PCDHGA6: variants seen among roughly 807,000 people sequenced by gnomAD.
The protein encoded by PCDHGA6 is protocadherin gamma subfamily A, 6.
Under a neutral mutation model 60.6 loss-of-function variants are expected in PCDHGA6, and 41 were observed. The observed-to-expected ratio is 0.68, with a 90% CI of 0.53 to 0.88. The LOEUF (loss-of-function observed/expected upper bound fraction) is 0.88. PCDHGA6 is among the 40% of genes least tolerant of loss of function. The probability of loss-of-function intolerance (pLI) is 0.00; values close to 1 mark genes in which losing one functional copy is unlikely to be tolerated. For synonymous variants in PCDHGA6, 594 were observed against 524.4 expected, an observed-to-expected ratio of 1.13 and a Z score of -1.81; for missense variants, 1,312 against 1,203.0, an observed-to-expected ratio of 1.09 and a Z score of -1.34.
At chr5:141,425,524 G>C (rs2096881323) in intron 1 of PCDHGA6, among the ~76,000 whole-genome samples, 1 of 152,184 alleles carries the variant, frequency 6.6e-6, no homozygotes, top group Non-Finnish European at 1.5e-5. Context: ...GATGAAACAT[G>C]AAACAATAAT....
In PCDHGA6 at chr5:141,491,410, G is replaced by T. The variant is rs777207581; in HGVS notation, c.2425-3397G>T. On this transcript the variant is annotated intron_variant, in intron 1 of 3. Transcript: ENST00000517434. The surrounding 1 kb of genome is among the most constrained non-coding windows in gnomAD (Gnocchi z 6.9). ...GTGCCTTCAGGGAAACGCAGACGGG[G>T]ACGGGGGTGGAGGGCAGTGCTGCAG... 28 of 1,614,142 alleles carry T rather than the reference G, an allele frequency of 1.7e-5. No individual in the cohort carries two copies. The highest frequency in any genetic ancestry group is 2.4e-5 in the Non-Finnish European group (28 of 1,180,034).
chr5:141,410,380 C>T, intron 1 of PCDHGA6: 1 of 1,614,072 alleles, frequency 6.2e-7, no homozygotes, highest in Non-Finnish European at 8.5e-7. Flanking sequence ...CTTGGGACTG[C>T]TTCCATCCTG....
At chr5:141,470,112 G>T (rs1186184232) in intron 1 of PCDHGA6, among the ~76,000 whole-genome samples, 1 of 152,104 alleles carries the variant, frequency 6.6e-6, no homozygotes, top group Non-Finnish European at 1.5e-5. Flanking sequence ...CTGAGCAACA[G>T]AGCAAGACTT....
At chr5:141,403,786 A>G (rs1317253233) in intron 1 of PCDHGA6, 1 of 1,613,848 alleles carries the variant, frequency 6.2e-7, no homozygotes, top group African/African-American at 1.3e-5. Flanking sequence ...GAAAAGTGGC[A>G]TACAAATTCT....
intron 1 of PCDHGA6, chr5:141,404,392 T>C (rs759142051): frequency 3.1e-6 from 5 of 1,613,820 alleles, no homozygotes; most frequent in African/African-American, 1.3e-5. Flanking sequence ...ATGACCCTGA[T>C]AGCAATGAGA....
chr5:141,487,031 G>A lies in PCDHGA6; in HGVS notation c.2425-7776G>A, dbSNP rs749130369. 1.2e-6 allele frequency: 2 copies of A among 1,614,182 alleles called. No homozygotes were observed. Among genetic ancestry groups the A allele is most frequent in the Non-Finnish European group, 1.7e-6 (2 of 1,180,028 alleles). On this transcript the variant is annotated intron_variant, in intron 1 of 3. Coordinates refer to ENST00000517434, the MANE Select transcript of PCDHGA6 (RefSeq NM_018919.3). The surrounding 1 kb of genome is among the most constrained non-coding windows in gnomAD (Gnocchi z 5.0). ...GGAGGCCCCAGATCCCAGCCTGTTT[G>A]CAGTCTCTCGATATGCTGGGGAGGT...
At chr5:141,414,100 G>A (rs1293589634) in intron 1 of PCDHGA6, 2 of 1,593,288 alleles carry the variant, frequency 1.3e-6, no homozygotes. Context: ...AAAAATATCA[G>A]AAAATCTAGA....
At chr5:141,381,798 CTCTT>C (rs372235829) in intron 1 of PCDHGA6, among the ~76,000 whole-genome samples, 40 of 144,168 alleles carry the variant, frequency 2.8e-4, no homozygotes, top group Non-Finnish European at 4.5e-4. Context: ...AGGCAATTCC[CTCTT>C]TCTTTCTTTC....
chr5:141,469,829 A>G (rs2099212486), intron 1 of PCDHGA6, among the ~76,000 whole-genome samples: 1 of 152,102 alleles, frequency 6.6e-6, no homozygotes, highest in African/African-American at 2.4e-5. Context: ...AGGTCACATA[A>G]AACTTATTCT....
chr5:141,417,572 G>T, intron 1 of PCDHGA6: 1 of 376,228 alleles, frequency 2.7e-6, no homozygotes, highest in East Asian at 4.1e-5. Flanking sequence ...AAGTCAAGTT[G>T]CAGTCCCACA....
intron 1 of PCDHGA6, chr5:141,410,156 C>T: frequency 6.2e-7 from 1 of 1,613,514 alleles, no homozygotes; most frequent in Non-Finnish European, 8.5e-7. Context: ...CGGTGGACAG[C>T]CGCCACTCTC....
At position 141,404,162 on chromosome 5, in the gene PCDHGA6, T is replaced by C. The variant is rs768188662; in HGVS notation, c.2424+27655T>C. The C allele has an allele frequency of 2.0e-5, 33 of 1,613,076 alleles. No homozygotes were observed. In the East Asian group the frequency reaches 7.4e-4, roughly 36 times the overall value. ...AAATTCAGAAGAAGATTATTACAGA[T>C]TGTTGACGGCCCAAATTCTTGACCG... On this transcript the variant is annotated intron_variant, in intron 1 of 3. Transcript: ENST00000517434.
intron 1 of PCDHGA6, chr5:141,418,113 T>C (rs1320881856): frequency 3.1e-6 from 5 of 1,613,912 alleles, no homozygotes; most frequent in Non-Finnish European, 3.4e-6. Context: ...GGGGACTTAC[T>C]TGTGAAGGAC....
intron 1 of PCDHGA6, chr5:141,423,753 G>GC (rs1489142243): frequency 4.8e-6 from 3 of 626,014 alleles, no homozygotes; most frequent in African/African-American, 5.1e-5. Context: ...AACTGTTTGG[G>GC]GGGGGGGTGG....
chr5:141,485,821 T>C lies in PCDHGA6; in HGVS notation c.2425-8986T>C, dbSNP rs765768266. 4 of 1,614,134 alleles carry C rather than the reference T, an allele frequency of 2.5e-6. No homozygotes were observed. Among genetic ancestry groups the C allele is most frequent in the Admixed American group, 1.7e-5 (1 of 60,014 alleles). ...ACCGCCTGGTGCTGACTGCTGTCGATGGAGGGAACCCGCCGAGATCTGGCA... is the reference window on the plus strand; with the variant it reads ...ACCGCCTGGTGCTGACTGCTGTCGACGGAGGGAACCCGCCGAGATCTGGCA... On this transcript the variant is annotated intron_variant, in intron 1 of 3. Coordinates refer to ENST00000517434, the MANE Select transcript of PCDHGA6 (RefSeq NM_018919.3). This position sits in a 1 kb window ranked among gnomAD's most constrained non-coding sequence, Gnocchi z 5.7.
intron 1 of PCDHGA6, chr5:141,403,779 A>G: frequency 6.2e-7 from 1 of 1,613,970 alleles, no homozygotes; most frequent in Non-Finnish European, 8.5e-7. Context: ...ATCAACGGAA[A>G]AGTGGCATAC....
intron 1 of PCDHGA6, among the ~76,000 whole-genome samples, chr5:141,438,705 G>A (rs555160868): frequency 2.0e-4 from 29 of 145,842 alleles, no homozygotes; most frequent in African/African-American, 7.1e-4. Flanking sequence ...CTGTCACCCA[G>A]GCTGGAGTGC....
intron 2 of PCDHGA6, among the ~76,000 whole-genome samples, chr5:141,497,293 C>T (rs1270907262): frequency 6.6e-6 from 1 of 152,136 alleles, no homozygotes. Flanking sequence ...TACCTACCAC[C>T]ACCCCAGGCC....
In PCDHGA6 at chr5:141,491,552, G is replaced by A. The variant is rs769927075; in HGVS notation, c.2425-3255G>A. 1 of 1,614,008 alleles carries A rather than the reference G, an allele frequency of 6.2e-7. No individual in the cohort carries two copies. The highest frequency in any genetic ancestry group is 1.7e-5 in the Admixed American group (1 of 60,024). On this transcript the variant is annotated intron_variant, in intron 1 of 3. Coordinates refer to ENST00000517434, the MANE Select transcript of PCDHGA6 (RefSeq NM_018919.3). This position sits in a 1 kb window ranked among gnomAD's most constrained non-coding sequence, Gnocchi z 6.9. Reference sequence around the variant, plus strand: ...ACGCTGCGGCCCACAGACTCGCAGAGCCACTGCTACAGGACGTGCTTTTCA... The same window carrying A: ...ACGCTGCGGCCCACAGACTCGCAGAACCACTGCTACAGGACGTGCTTTTCA...
Sources: gnomAD v4.1 joint callset for allele counts (sites outside exome capture counted in the v4.1 genomes callset) on GRCh38, gnomAD v4.1.1 for gene constraint, Gnocchi (gnomAD v3.1) non-coding constraint, MANE v1.5 for transcripts, NCBI Gene and HGNC (gene_info 2026-07-23, HGNC 2026-07-21) for gene names.